Variants in NBEA observed in about 807,000 individuals in gnomAD.
The protein encoded by NBEA is neurobeachin.
Under a neutral mutation model 343.4 loss-of-function variants are expected in NBEA, and 44 were observed. The ratio of observed to expected loss-of-function variants is 0.13; its 90% CI spans 0.10 to 0.16. The LOEUF (loss-of-function observed/expected upper bound fraction) is 0.16. Ranked by LOEUF, NBEA falls within the 10% of genes least tolerant of loss-of-function variation. NBEA has a pLI of 1.00. For missense variants in NBEA, 2,555 were observed against 3,631.3 expected, an observed-to-expected ratio of 0.70 and a Z score of 7.62; for synonymous variants, 1,175 against 1,238.7, an observed-to-expected ratio of 0.95 and a Z score of 1.08.
At chr13:35,093,658 A>T (rs2065193642) in intron 10 of NBEA, among the ~76,000 whole-genome samples, 1 of 151,994 alleles carries the variant, frequency 6.6e-6, no homozygotes, top group Non-Finnish European at 1.5e-5. Context: ...TGTAATTATG[A>T]CCTGTTTCCA....
intron 58 of NBEA, 58 bp downstream of exon 58, chr13:35,668,577 A>C (rs2085463635): frequency 1.4e-6 from 2 of 1,475,622 alleles, no homozygotes; most frequent in Non-Finnish European, 1.8e-6. Flanking sequence ...GGCTCTCTTC[A>C]TTCTACCAAG....
rs759857307 is a variant in NBEA, at chr13:35,593,385, C to A, written c.7234C>A (p.Arg2412=). 1.6e-5 allele frequency: 26 copies of A among 1,612,044 alleles called. No individual in the cohort carries two copies. The Admixed American group carries it at 2.3e-4, about 14-fold the overall frequency. ...ANDGKFDHPD[R]TFSSVARSWR... is the part of the protein sequence containing the mutation. ...TGATGGAAAATTTGATCATCCAGAT[C>A]GAACCTTCTCATCCGTTGCAAGGTC... Residue 2412 remains arginine (R), a synonymous_variant, in exon 47 of 59, where the codon CGA becomes AGA. Coordinates refer to ENST00000379939, the MANE Select transcript of NBEA (RefSeq NM_001385012.1).
intron 34 of NBEA, among the ~76,000 whole-genome samples, chr13:35,259,058 A>AT (rs1028244381): frequency 3.9e-5 from 6 of 152,220 alleles, no homozygotes; most frequent in African/African-American, 1.4e-4. Context: ...ACATAACCCC[A>AT]TTTTAAGTCA....
chr13:35,246,721 C>G (rs1207748001), intron 34 of NBEA, among the ~76,000 whole-genome samples: 3 of 152,130 alleles, frequency 2.0e-5, no homozygotes, highest in Admixed American at 6.5e-5. Flanking sequence ...TGAAGGTCCT[C>G]AGTTGTAGTT....
At chr13:35,133,847 A>G (rs2067565358) in intron 17 of NBEA, among the ~76,000 whole-genome samples, 1 of 152,058 alleles carries the variant, frequency 6.6e-6, no homozygotes, top group African/African-American at 2.4e-5. Context: ...CCCGAAGTAG[A>G]GTGTGAAGAA....
chr13:35,190,750 G>C (rs1490840938), intron 30 of NBEA, among the ~76,000 whole-genome samples: 3 of 152,118 alleles, frequency 2.0e-5, no homozygotes, highest in Non-Finnish European at 4.4e-5. Context: ...AAATAGGAAA[G>C]TATGGTCAAT....
chr13:35,465,444 T>C (rs7982599), intron 40 of NBEA, among the ~76,000 whole-genome samples: 3,683 of 152,274 alleles, frequency 0.024, 170 homozygotes, highest in African/African-American at 0.085. Context: ...AAAGGCAAGC[T>C]ACTTAATCCA....
At chr13:35,484,631 A>G (rs2076247226) in intron 41 of NBEA, among the ~76,000 whole-genome samples, 1 of 152,026 alleles carries the variant, frequency 6.6e-6, no homozygotes, top group African/African-American at 2.4e-5. Context: ...TTTTAACTGG[A>G]TGGATAACTT....
chr13:35,098,514 A>G (rs1174418481), intron 11 of NBEA, 109 bp downstream of exon 11: 1 of 674,940 alleles, frequency 1.5e-6, no homozygotes, highest in Non-Finnish European at 2.4e-6. Context: ...TGTAGAGATT[A>G]TACTATTTGC....
At chr13:35,015,205 A>G (rs1444743817) in intron 1 of NBEA, among the ~76,000 whole-genome samples, 2 of 151,346 alleles carry the variant, frequency 1.3e-5, no homozygotes, top group African/African-American at 2.4e-5. Flanking sequence ...ACCCCATTGA[A>G]TCTGATTTGA....
intron 6 of NBEA, among the ~76,000 whole-genome samples, chr13:35,052,062 G>T (rs1342089514): frequency 9.9e-5 from 15 of 151,966 alleles, no homozygotes; most frequent in Admixed American, 9.9e-4. Context: ...AATCTAAGGG[G>T]TCTAGTTAGG....
At chr13:35,165,736 G>T (rs1179282105) in intron 24 of NBEA, among the ~76,000 whole-genome samples, 1 of 150,050 alleles carries the variant, frequency 6.7e-6, no homozygotes, top group Non-Finnish European at 1.5e-5. Flanking sequence ...CCAGGCTGGA[G>T]CAGAGTAGGG....
At chr13:35,397,038 C>G (rs1457119054) in intron 38 of NBEA, among the ~76,000 whole-genome samples, 4 of 152,132 alleles carry the variant, frequency 2.6e-5, no homozygotes. Flanking sequence ...CACTTTAACA[C>G]TACCATTGTT....
chr13:35,304,042 T>A (rs1326882853), intron 35 of NBEA, among the ~76,000 whole-genome samples: 1 of 152,144 alleles, frequency 6.6e-6, no homozygotes, highest in Non-Finnish European at 1.5e-5. Flanking sequence ...GATTGTATTT[T>A]AAAAATATGG....
At chr13:35,660,485 A>T (rs748310289) in intron 55 of NBEA, among the ~76,000 whole-genome samples, 2 of 152,206 alleles carry the variant, frequency 1.3e-5, no homozygotes, top group Non-Finnish European at 2.9e-5. Context: ...AAAAATAAGT[A>T]TTTTAGCTCG....
At chr13:35,390,382 A>G (rs968880892) in intron 38 of NBEA, among the ~76,000 whole-genome samples, 3 of 152,180 alleles carry the variant, frequency 2.0e-5, no homozygotes, top group Admixed American at 2.0e-4. Context: ...ACAAGACAAT[A>G]CAAGGACAAA....
chr13:35,633,081 G>A (rs186842834), intron 49 of NBEA, among the ~76,000 whole-genome samples: 1 of 149,932 alleles, frequency 6.7e-6, no homozygotes, highest in East Asian at 2.0e-4. Flanking sequence ...CATTAATCTA[G>A]CTAACACTCT....
chr13:35,284,469 T>A (rs1264699917), intron 34 of NBEA, among the ~76,000 whole-genome samples: 1 of 152,188 alleles, frequency 6.6e-6, no homozygotes, highest in East Asian at 1.9e-4. Flanking sequence ...ATTATAGTTT[T>A]AAGTTAATAT....
intron 33 of NBEA, among the ~76,000 whole-genome samples, chr13:35,211,851 C>CA (rs1259480139): frequency 6.6e-6 from 1 of 151,554 alleles, no homozygotes; most frequent in Admixed American, 6.6e-5. Context: ...AATAAACAAA[C>CA]AAACTAAGTA....
Sources: gnomAD v4.1 joint callset for allele counts (sites outside exome capture counted in the v4.1 genomes callset) on GRCh38, gnomAD v4.1.1 for gene constraint, MANE v1.5 for transcripts, NCBI Gene and HGNC (gene_info 2026-07-23, HGNC 2026-07-21) for gene names.